The following MYO1F variants were observed in gnomAD, a reference collection of about 807,000 sequenced individuals.
MYO1F encodes the protein unconventional myosin-If.
In MYO1F, 60 loss-of-function variants were observed where a neutral mutation model predicts 146.6. The ratio of observed to expected loss-of-function variants is 0.41; its 90% CI spans 0.33 to 0.51. The LOEUF (loss-of-function observed/expected upper bound fraction) is 0.51. Ranked by LOEUF, MYO1F falls within the 20% of genes least tolerant of loss-of-function variation. The probability of loss-of-function intolerance (pLI) is 0.25; values close to 1 mark genes in which losing one functional copy is unlikely to be tolerated. For missense variants in MYO1F, 1,274 were observed against 1,534.3 expected, an observed-to-expected ratio of 0.83 and a Z score of 2.83; for synonymous variants, 602 against 602.1, an observed-to-expected ratio of 1.00 and a Z score of 0.00.
chr19:8,561,931 G>A (rs988159458), intron 1 of MYO1F, among the ~76,000 whole-genome samples: 1 of 151,772 alleles, frequency 6.6e-6, no homozygotes, highest in Non-Finnish European at 1.5e-5. Flanking sequence ...TGGCCAGGCT[G>A]GTCTTGAACT....
intron 24 of MYO1F, 59 bp from the exon 25 acceptor site, chr19:8,525,621 A>G: frequency 6.9e-7 from 1 of 1,441,240 alleles, no homozygotes; most frequent in Admixed American, 1.8e-5. Context: ...TGCCCCGCCC[A>G]CAAATCTAGT....
At chr19:8,553,777 C>G (rs1397259185) in intron 4 of MYO1F, among the ~76,000 whole-genome samples, 3 of 151,654 alleles carry the variant, frequency 2.0e-5, no homozygotes, top group Non-Finnish European at 4.4e-5. Flanking sequence ...GAGGCTGAGG[C>G]AGGAGAATTG....
Position 8,577,435 on chromosome 19 carries a change from C to T in MYO1F, c.-126G>A. 1 of 1,062,658 alleles carries T rather than the reference C, an allele frequency of 9.4e-7. No homozygotes were observed. Among genetic ancestry groups the T allele is most frequent in the Non-Finnish European group, 1.4e-6 (1 of 699,472 alleles). 65.8% of individuals were successfully genotyped at this position (1,062,658 alleles called of 1,614,324 possible). A position where few individuals can be genotyped will look rare whatever the true frequency, so the allele number is the denominator to read the frequency against. On this transcript the variant is annotated 5_prime_UTR_variant, in exon 1 of 28. Coordinates refer to ENST00000644032, the MANE Select transcript of MYO1F (RefSeq NM_012335.4). This position sits in a 1 kb window ranked among gnomAD's most constrained non-coding sequence, Gnocchi z 4.3. ...TTCTGCCCGTTCACCGGACTCCCGG[C>T]TTTAGTTCCTCTTACAACAGCCCCT...
At chr19:8,547,985 C>T (rs781487774) in intron 12 of MYO1F, 51 bp downstream of exon 12, 14 of 1,278,222 alleles carry the variant, frequency 1.1e-5, no homozygotes, top group African/African-American at 3.0e-5. Context: ...ATGGTCCTTC[C>T]ACCCCACCCC....
chr19:8,567,267 A>G (rs370134953), intron 1 of MYO1F, among the ~76,000 whole-genome samples: 80 of 151,728 alleles, frequency 5.3e-4, no homozygotes, highest in African/African-American at 1.9e-3. Flanking sequence ...GGGTTTCACC[A>G]TCTTGGCCAG....
At chr19:8,569,678 G>A (rs1345358686) in intron 1 of MYO1F, among the ~76,000 whole-genome samples, 1 of 152,130 alleles carries the variant, frequency 6.6e-6, no homozygotes, top group Non-Finnish European at 1.5e-5. Context: ...GGAGAGGTGA[G>A]AGGGCTTCCT....
At position 8,526,508 on chromosome 19, in the gene MYO1F, C is replaced by T; in HGVS notation, c.2715G>A (p.Lys905=). 1 of 1,581,466 alleles carries T rather than the reference C, an allele frequency of 6.3e-7. No homozygotes were observed. The change falls in exon 24 of 28, where the codon AAG becomes AAA. Residue 905 remains lysine, a synonymous_variant. Coordinates refer to ENST00000644032, the MANE Select transcript of MYO1F (RefSeq NM_012335.4). ...SRGFGDLAVL[K]VGGRTLTVSV... ...TGACCGTGAGGGTCCGACCGCCAACCTTGAGCACTGCCAAGTCGCCGAAGC... is the reference window on the plus strand; with the variant it reads ...TGACCGTGAGGGTCCGACCGCCAACTTTGAGCACTGCCAAGTCGCCGAAGC...
chr19:8,550,815 ACCCC>A, intron 8 of MYO1F, 121 bp from the exon 9 acceptor site: 1 of 1,352,040 alleles, frequency 7.4e-7, no homozygotes. Flanking sequence ...TCCCTGTCCT[ACCCC>A]TTTCAGTCAC....
intron 15 of MYO1F, among the ~76,000 whole-genome samples, chr19:8,541,236 T>C (rs926517385): frequency 6.6e-6 from 1 of 151,994 alleles, no homozygotes; most frequent in Admixed American, 6.6e-5. Context: ...GGTCTTGCTA[T>C]GTTGCCCAGG....
At chr19:8,541,166 T>G (rs947082434) in intron 15 of MYO1F, among the ~76,000 whole-genome samples, 2 of 151,996 alleles carry the variant, frequency 1.3e-5, no homozygotes, top group South Asian at 4.1e-4. Flanking sequence ...TAATTATTAT[T>G]ATTTTTGCTG....
At chr19:8,568,980 A>G (rs757810619) in intron 1 of MYO1F, among the ~76,000 whole-genome samples, 5 of 152,160 alleles carry the variant, frequency 3.3e-5, no homozygotes, top group Non-Finnish European at 7.3e-5. Context: ...CTCTGAAACA[A>G]GTACAGGAGC....
intron 12 of MYO1F, among the ~76,000 whole-genome samples, chr19:8,547,173 T>A (rs1239686538): frequency 6.6e-6 from 1 of 151,906 alleles, no homozygotes; most frequent in South Asian, 2.1e-4. Flanking sequence ...TGATGGTGTG[T>A]GCCTGCGGTC....
At chr19:8,549,625 C>T (rs916078344) in intron 10 of MYO1F, 1 of 163,098 alleles carries the variant, frequency 6.1e-6, no homozygotes, top group Non-Finnish European at 1.3e-5. Flanking sequence ...TGATTCTCCT[C>T]CCTCAGCCTC....
intron 1 of MYO1F, among the ~76,000 whole-genome samples, chr19:8,572,323 A>G (rs782289810): frequency 3.3e-5 from 5 of 151,646 alleles, no homozygotes; most frequent in Non-Finnish European, 7.4e-5. Context: ...GCTGGAGTGT[A>G]GTGGTGCGAT....
At chr19:8,529,921 C>T in intron 21 of MYO1F, 1 of 587,338 alleles carries the variant, frequency 1.7e-6, no homozygotes, top group Non-Finnish European at 3.1e-6. Flanking sequence ...GAGGATATAC[C>T]TGTGATGGAA....
At chr19:8,553,892 A>ACTCTCTCT (rs569819927) in intron 4 of MYO1F, among the ~76,000 whole-genome samples, 3,475 of 104,796 alleles carry the variant, frequency 0.033, 63 homozygotes, top group East Asian at 0.085. Context: ...ACACACACAC[A>ACTCTCTCT]CACTCTCTCT....
At chr19:8,576,448 A>G (rs1374059940) in intron 1 of MYO1F, 1 of 152,400 alleles carries the variant, frequency 6.6e-6, no homozygotes, top group Non-Finnish European at 1.5e-5. Context: ...ATCCTCACTG[A>G]CTGAATGACG....
rs576218913 is a variant in MYO1F at position 8,575,078 on chromosome 19, CTTTTTTTTTT to C, written c.3+2219_3+2228del. Among the ~76,000 whole-genome samples the C allele has an allele frequency of 9.6e-5, 13 of 135,580 alleles. No individual in the cohort carries two copies. The South Asian group carries it at 3.1e-3, about 32-fold the overall frequency. The allele number at this position is 135,580 out of a possible 152,430, so 88.9% of individuals were successfully genotyped here. ...GCCAACGGCATTAGATTTTCTTTTT[CTTTTTTTTTT>C]TTTTTTGAGACGGAGTCTGGCTCTG... On this transcript the variant is annotated intron_variant, in intron 1 of 27. Transcript: ENST00000644032.
At chr19:8,554,878 G>A (rs1445716270) in intron 2 of MYO1F, 135 bp from the exon 3 acceptor site, 9 of 858,034 alleles carry the variant, frequency 1.0e-5, no homozygotes, top group African/African-American at 6.7e-5. Context: ...GATGCACCTC[G>A]AGTCTCTTGG....
Sources: allele counts gnomAD v4.1 joint callset (sites outside exome capture counted in the v4.1 genomes callset), GRCh38; gene constraint gnomAD v4.1.1; non-coding constraint Gnocchi (gnomAD v3.1); transcripts MANE v1.5; gene names NCBI Gene and HGNC (gene_info 2026-07-23, HGNC 2026-07-21).